RASGRF1: variants seen among roughly 807,000 people sequenced by gnomAD.
The protein encoded by RASGRF1 is Ras protein specific guanine nucleotide releasing factor 1, also known as ras-specific guanine nucleotide-releasing factor 1.
RASGRF1 carries 40 observed loss-of-function variants against 138.7 expected under a neutral mutation model. That is an observed-to-expected ratio of 0.29 (90% CI 0.22 to 0.38). The LOEUF (loss-of-function observed/expected upper bound fraction) is 0.38, where lower values mean the gene tolerates loss of function less well. Ranked by LOEUF, RASGRF1 falls within the 10% of genes least tolerant of loss-of-function variation. RASGRF1 has a pLI of 1.00. For synonymous variants in RASGRF1, 614 were observed against 663.2 expected (o/e 0.93, Z 1.14); for missense variants, 1,108 against 1,650.4 (o/e 0.67, Z 5.69).
chr15:79,080,619 A>G (rs2057901832), intron 1 of RASGRF1, among the ~76,000 whole-genome samples: 1 of 152,224 alleles, frequency 6.6e-6, no homozygotes. Context: ...TCATTCTTCT[A>G]AAACTGATTT....
At chr15:78,974,795 C>T (rs1456026479) in intron 24 of RASGRF1, among the ~76,000 whole-genome samples, 1 of 152,190 alleles carries the variant, frequency 6.6e-6, no homozygotes, top group Non-Finnish European at 1.5e-5. Flanking sequence ...AATTCAAAAA[C>T]ATTATTTTGT....
chr15:79,081,172 G>A (rs1345406801), intron 1 of RASGRF1, among the ~76,000 whole-genome samples: 1 of 152,270 alleles, frequency 6.6e-6, no homozygotes, highest in Non-Finnish European at 1.5e-5. Context: ...AACCCAGGAT[G>A]TGGGAAGCCC....
intron 1 of RASGRF1, among the ~76,000 whole-genome samples, chr15:79,070,071 G>C (rs937380479): frequency 9.2e-5 from 14 of 152,150 alleles, no homozygotes; most frequent in African/African-American, 3.4e-4. Flanking sequence ...GCAGGGGCTG[G>C]GGAGTAATGT....
At chr15:78,978,215 CTTTTGTTTTTTTT>C (rs2055916715) in intron 24 of RASGRF1, among the ~76,000 whole-genome samples, 1 of 79,344 alleles carries the variant, frequency 1.3e-5, no homozygotes, top group Admixed American at 1.7e-4. Context: ...TTTTTCTTTT[CTTTTGTTTTTTTT>C]TTTTTTTTTT....
intron 25 of RASGRF1, among the ~76,000 whole-genome samples, chr15:78,972,484 G>A (rs746002373): frequency 3.3e-5 from 5 of 150,926 alleles, no homozygotes; most frequent in Non-Finnish European, 5.9e-5. Flanking sequence ...ATGTGACTGA[G>A]AGAAGAAAAA....
At chr15:78,984,905 A>C (rs4778750) in intron 23 of RASGRF1, 102 bp downstream of exon 23, 1,130,656 of 1,309,686 alleles carry the variant, frequency 0.86, 489,962 homozygotes, top group East Asian at 1. Flanking sequence ...TCAGCCCAGT[A>C]CTTTGCCCAC....
intron 24 of RASGRF1, among the ~76,000 whole-genome samples, chr15:78,978,207 TTTC>T (rs1450716941): frequency 8.7e-6 from 1 of 115,358 alleles, no homozygotes; most frequent in African/African-American, 3.5e-5. Context: ...TCTTTTTCTT[TTTC>T]TTTTCTTTTG....
At chr15:79,028,997 C>A (rs1473402084) in intron 8 of RASGRF1, among the ~76,000 whole-genome samples, 1 of 152,234 alleles carries the variant, frequency 6.6e-6, no homozygotes, top group Non-Finnish European at 1.5e-5. Flanking sequence ...ATTTCAGGTA[C>A]CCGTGCATGC....
At chr15:79,062,323 T>C (rs2057618275) in intron 2 of RASGRF1, among the ~76,000 whole-genome samples, 1 of 152,240 alleles carries the variant, frequency 6.6e-6, no homozygotes, top group South Asian at 2.1e-4. Flanking sequence ...CCCCTGCATC[T>C]GGGTTCTTCC....
intron 1 of RASGRF1, among the ~76,000 whole-genome samples, chr15:79,070,639 T>C (rs78714620): frequency 1.4e-3 from 206 of 152,326 alleles, no homozygotes; most frequent in African/African-American, 4.8e-3. Context: ...ATCTACAAAA[T>C]GGGCATAAGA....
At chr15:78,990,713 C>G (rs1290197632) in intron 21 of RASGRF1, among the ~76,000 whole-genome samples, 1 of 152,174 alleles carries the variant, frequency 6.6e-6, no homozygotes, top group African/African-American at 2.4e-5. Flanking sequence ...GCTTAAAAAG[C>G]CTGCAAGCCA....
intron 11 of RASGRF1, among the ~76,000 whole-genome samples, chr15:79,018,612 C>G (rs2056914453): frequency 6.6e-6 from 1 of 152,140 alleles, no homozygotes; most frequent in Non-Finnish European, 1.5e-5. Flanking sequence ...GGTTTCCTTC[C>G]CCCTCTGGGC....
In RASGRF1 at chr15:79,075,936, A is replaced by T. The variant is rs142139116; in HGVS notation, c.277-11410T>A. The stretch of plus-strand genomic sequence containing the variant: ...TGGTATTAGAGTGAAGATTTCCCAC[A>T]CCTTTTACTCTCCAAGTCATTTCTC... On this transcript the variant is annotated intron_variant, in intron 1 of 26. Transcript: ENST00000558480. Among the ~76,000 whole-genome samples, 435 of 152,206 alleles carry T rather than the reference A, an allele frequency of 2.9e-3. 4 individuals are homozygous for T. The highest frequency in any genetic ancestry group is 9.5e-3 in the African/African-American group (395 of 41,516).
At position 79,078,845 on chromosome 15, in the gene RASGRF1, G is replaced by A. The variant is rs115409249; in HGVS notation, c.276+11378C>T. The stretch of plus-strand genomic sequence containing the variant: ...CCAGTCTTTAAGGCCTAAGACATAC[G>A]TCACTCTGGGCCCCAAACCAGCCCA... On this transcript the variant is annotated intron_variant, in intron 1 of 26. Transcript: ENST00000558480. 6.3e-3 allele frequency among the ~76,000 whole-genome samples: 958 copies of A among 152,360 alleles called. 13 individuals are homozygous for A. The highest frequency in any genetic ancestry group is 0.021 in the African/African-American group (891 of 41,588).
At position 79,003,846 on chromosome 15, in the gene RASGRF1, G is replaced by A. The variant is rs79149121; in HGVS notation, c.2405C>T (p.Thr802Met). 982 of 1,612,894 alleles carry A rather than the reference G, an allele frequency of 6.1e-4. 6 individuals are homozygous for A. In the African/African-American group the frequency reaches 0.011, roughly 19 times the overall value. ...FTNKIPDEGD[T>M]TPEKPEDPSA... The stretch of plus-strand genomic sequence containing the variant: ...AGGGTCTTCGGGCTTCTCAGGGGTC[G>A]TATCGCCCTCATCTGGAATCTTGTT... Residue 802 changes from threonine to methionine, a missense_variant, in exon 15 of 27, where the codon ACG (threonine) becomes ATG (methionine). Thr to Met is a moderately conservative substitution (Grantham distance 81, BLOSUM62 -1). Transcript: ENST00000558480.
rs1364598043 is a variant in RASGRF1 at position 79,037,317 on chromosome 15, T to C, written c.879-2107A>G. On this transcript the variant is annotated intron_variant, in intron 5 of 26. Coordinates refer to ENST00000558480, the MANE Select transcript of RASGRF1 (RefSeq NM_001145648.3). ...CCATATTTGGCAGCCATCCCCAATCTTTTTGGCACCAGGGACTGGTTTTGT... is the reference window on the plus strand; with the variant it reads ...CCATATTTGGCAGCCATCCCCAATCCTTTTGGCACCAGGGACTGGTTTTGT... 1.1e-4 allele frequency among the ~76,000 whole-genome samples: 16 copies of C among 152,020 alleles called. 1 individual carries two copies. Among genetic ancestry groups the C allele is most frequent in the Admixed American group, 1.0e-3 (16 of 15,260 alleles).
chr15:79,026,027 C>T (rs2057044447), intron 9 of RASGRF1, among the ~76,000 whole-genome samples: 1 of 152,056 alleles, frequency 6.6e-6, no homozygotes, highest in African/African-American at 2.4e-5. Flanking sequence ...CCAGACAGAG[C>T]TTCTCAGTCC....
chr15:79,058,515 G>T, intron 2 of RASGRF1, 34 bp from the exon 3 acceptor site: 1 of 1,609,138 alleles, frequency 6.2e-7, no homozygotes, highest in Non-Finnish European at 8.5e-7. Flanking sequence ...GTAAGATGCT[G>T]ACTCCTTGTC....
At position 79,013,172 on chromosome 15, in the gene RASGRF1, C is replaced by T. The variant is rs190589573; in HGVS notation, c.1826+2155G>A. On this transcript the variant is annotated intron_variant, in intron 13 of 26. Coordinates refer to ENST00000558480, the MANE Select transcript of RASGRF1 (RefSeq NM_001145648.3). ...ACCCAAGCTCGGAAAGGTTAAGCGA[C>T]TTGTCCATATTCACACACAAAGCTA... Among the ~76,000 whole-genome samples, 1,052 of 152,336 alleles carry T rather than the reference C, an allele frequency of 6.9e-3. 8 individuals are homozygous for T. The highest frequency in any genetic ancestry group is 0.014 in the Middle Eastern group (4 of 294).
Sources: gnomAD v4.1 joint callset for allele counts (sites outside exome capture counted in the v4.1 genomes callset) on GRCh38, gnomAD v4.1.1 for gene constraint, MANE v1.5 for transcripts, NCBI Gene and HGNC (gene_info 2026-07-23, HGNC 2026-07-21) for gene names.